TMTC1: variants seen among roughly 807,000 people sequenced by gnomAD.
TMTC1 encodes the protein protein O-mannosyl-transferase TMTC1.
TMTC1 carries 73 observed loss-of-function variants against 104.8 expected under a neutral mutation model. The ratio of observed to expected loss-of-function variants is 0.70; its 90% CI spans 0.58 to 0.85. The LOEUF (loss-of-function observed/expected upper bound fraction) is 0.85, where lower values mean the gene tolerates loss of function less well. Ranked by LOEUF, TMTC1 falls within the 40% of genes least tolerant of loss-of-function variation. The pLI, the probability that TMTC1 is intolerant of heterozygous loss-of-function variation, is 0.00. For synonymous variants in TMTC1, 434 were observed against 428.7 expected (o/e 1.01, Z -0.15); for missense variants, 1,035 against 1,096.1 (o/e 0.94, Z 0.79).
chr12:29,531,259 C>G (rs919567529), intron 11 of TMTC1, among the ~76,000 whole-genome samples: 1 of 152,186 alleles, frequency 6.6e-6, no homozygotes, highest in Admixed American at 6.5e-5. Flanking sequence ...TAGCCCCACA[C>G]AGTGTGGCTG....
intron 7 of TMTC1, among the ~76,000 whole-genome samples, chr12:29,602,421 G>A (rs1175808377): frequency 1.3e-5 from 2 of 152,212 alleles, no homozygotes; most frequent in African/African-American, 2.4e-5. Flanking sequence ...TGGGGCATGA[G>A]CCACTGCACC....
chr12:29,689,273 T>A (rs5797335), intron 5 of TMTC1, among the ~76,000 whole-genome samples: 2 of 150,366 alleles, frequency 1.3e-5, no homozygotes, highest in Admixed American at 6.6e-5. Context: ...TTTTTTTTTT[T>A]ATTTTTTGTC....
chr12:29,508,904 A>G (rs1943760703), intron 17 of TMTC1, among the ~76,000 whole-genome samples: 1 of 152,108 alleles, frequency 6.6e-6, no homozygotes, highest in African/African-American at 2.4e-5. Context: ...AAAAATAATT[A>G]TATCCTTTAA....
chr12:29,513,516 C>T (rs2136138341), intron 16 of TMTC1, among the ~76,000 whole-genome samples: 1 of 150,116 alleles, frequency 6.7e-6, no homozygotes, highest in South Asian at 2.1e-4. Context: ...TGAGCTTTCC[C>T]AAATATCTTT....
chr12:29,510,445 T>C (rs1233514963), intron 17 of TMTC1, among the ~76,000 whole-genome samples: 1 of 152,206 alleles, frequency 6.6e-6, no homozygotes, highest in Non-Finnish European at 1.5e-5. Flanking sequence ...ATCGTTTTAC[T>C]CTTTTAAAGT....
chr12:29,589,052 G>A (rs1289715068), intron 7 of TMTC1, among the ~76,000 whole-genome samples: 1 of 152,156 alleles, frequency 6.6e-6, no homozygotes, highest in African/African-American at 2.4e-5. Flanking sequence ...ACAGATAAAA[G>A]CTTAACTATC....
At chr12:29,571,113 G>A (rs1296594084) in intron 9 of TMTC1, among the ~76,000 whole-genome samples, 2 of 152,100 alleles carry the variant, frequency 1.3e-5, no homozygotes, top group South Asian at 2.1e-4. Flanking sequence ...ATATCCCAAA[G>A]TGAAACCGTT....
At chr12:29,632,049 T>C (rs1938325876) in intron 6 of TMTC1, among the ~76,000 whole-genome samples, 1 of 152,212 alleles carries the variant, frequency 6.6e-6, no homozygotes, top group Non-Finnish European at 1.5e-5. Context: ...CACGAATGCA[T>C]GGAGAGTATA....
intron 5 of TMTC1, among the ~76,000 whole-genome samples, chr12:29,725,816 C>A (rs889983461): frequency 2.6e-5 from 4 of 152,190 alleles, no homozygotes; most frequent in Non-Finnish European, 5.9e-5. Context: ...ATCACTGGAG[C>A]GGACTTCCTG....
intron 6 of TMTC1, among the ~76,000 whole-genome samples, chr12:29,616,687 AAAAC>A (rs1946989201): frequency 1.3e-5 from 2 of 151,838 alleles, no homozygotes; most frequent in African/African-American, 4.8e-5. Context: ...AAAAAAAAAA[AAAAC>A]ATTTTCTGCT....
At chr12:29,757,771 A>G (rs1943248936) in intron 3 of TMTC1, among the ~76,000 whole-genome samples, 1 of 152,176 alleles carries the variant, frequency 6.6e-6, no homozygotes, top group Admixed American at 6.5e-5. Flanking sequence ...GGTGGAAGGC[A>G]AGGAGAAGCA....
At chr12:29,641,363 G>A (rs912920697) in intron 5 of TMTC1, 1 of 152,284 alleles carries the variant, frequency 6.6e-6, no homozygotes, top group Admixed American at 6.5e-5. Context: ...ACCTCCACTG[G>A]AACAGACACT....
At chr12:29,510,896 G>A (rs1943814982) in intron 17 of TMTC1, among the ~76,000 whole-genome samples, 1 of 152,122 alleles carries the variant, frequency 6.6e-6, no homozygotes. Flanking sequence ...ATCTGACCCT[G>A]CACCCTCTCT....
chr12:29,517,189 T>C (rs1419956930), intron 14 of TMTC1, among the ~76,000 whole-genome samples: 1 of 152,220 alleles, frequency 6.6e-6, no homozygotes, highest in Non-Finnish European at 1.5e-5. Flanking sequence ...AAAGGGTATA[T>C]GTAAATTTTT....
intron 5 of TMTC1, among the ~76,000 whole-genome samples, chr12:29,676,393 C>G: frequency 6.6e-6 from 1 of 152,216 alleles, no homozygotes; most frequent in Non-Finnish European, 1.5e-5. Flanking sequence ...TGGGTCCTAT[C>G]ACTATTATCA....
At chr12:29,683,937 A>T (rs923315383) in intron 5 of TMTC1, among the ~76,000 whole-genome samples, 1 of 151,636 alleles carries the variant, frequency 6.6e-6, no homozygotes, top group African/African-American at 2.4e-5. Flanking sequence ...TCCGTCTCCC[A>T]GGCTCAAGCA....
At chr12:29,543,907 G>A (rs1233609412) in intron 10 of TMTC1, among the ~76,000 whole-genome samples, 1 of 152,134 alleles carries the variant, frequency 6.6e-6, no homozygotes, top group Admixed American at 6.5e-5. Context: ...ACGTGGAACT[G>A]TGTGGAGGAC....
intron 11 of TMTC1, among the ~76,000 whole-genome samples, chr12:29,525,999 A>C (rs1053502844): frequency 2.0e-5 from 3 of 152,204 alleles, no homozygotes; most frequent in African/African-American, 7.2e-5. Flanking sequence ...GAAAGCTTTC[A>C]TATAACCAGA....
intron 11 of TMTC1, among the ~76,000 whole-genome samples, chr12:29,528,385 T>G (rs573209537): frequency 2.0e-5 from 3 of 152,138 alleles, no homozygotes; most frequent in African/African-American, 7.2e-5. Context: ...TCCTGCGAAA[T>G]TGGCCTTCGA....
Sources: gnomAD v4.1 joint callset for allele counts (sites outside exome capture counted in the v4.1 genomes callset) on GRCh38, gnomAD v4.1.1 for gene constraint, MANE v1.5 for transcripts, NCBI Gene and HGNC (gene_info 2026-07-23, HGNC 2026-07-21) for gene names.